The following SUMF1 variants were observed in gnomAD, a reference collection of about 807,000 sequenced individuals.
SUMF1 encodes sulfatase modifying factor 1.
In SUMF1, 48 loss-of-function variants were observed where a neutral mutation model predicts 47.6. The ratio of observed to expected loss-of-function variants is 1.01; its 90% CI spans 0.80 to 1.28. The LOEUF (loss-of-function observed/expected upper bound fraction) is 1.28. SUMF1 is among the 50% of genes most tolerant of loss of function. SUMF1 has a pLI of 0.00. For synonymous variants in SUMF1, 230 were observed against 192.1 expected (o/e 1.20, Z -1.63); for missense variants, 571 against 485.4 (o/e 1.18, Z -1.66).
intron 8 of SUMF1, among the ~76,000 whole-genome samples, chr3:4,244,879 A>G (rs1361972866): frequency 6.6e-6 from 1 of 151,926 alleles, no homozygotes; most frequent in Non-Finnish European, 1.5e-5. Flanking sequence ...CACCAGTCAA[A>G]CATAGATTTG....
intron 8 of SUMF1, among the ~76,000 whole-genome samples, chr3:4,224,678 C>T (rs1189974963): frequency 2.6e-5 from 4 of 151,736 alleles, no homozygotes; most frequent in African/African-American, 9.7e-5. Flanking sequence ...AGTGGTGGAC[C>T]CAAGACCACA....
intron 8 of SUMF1, among the ~76,000 whole-genome samples, chr3:4,079,158 A>G (rs1022105831): frequency 6.6e-6 from 1 of 152,106 alleles, no homozygotes; most frequent in East Asian, 1.9e-4. Context: ...GATCAGCCCA[A>G]GAAGTAACAA....
At chr3:4,256,364 A>G (rs373862109) in intron 8 of SUMF1, among the ~76,000 whole-genome samples, 124 of 104,616 alleles carry the variant, frequency 1.2e-3, no homozygotes, top group Admixed American at 2.5e-3. Context: ...TTGATAGACC[A>G]CTAGCAAGAC....
chr3:4,443,790 A>C (rs961354867), intron 3 of SUMF1, among the ~76,000 whole-genome samples: 2 of 152,138 alleles, frequency 1.3e-5, no homozygotes, highest in Non-Finnish European at 2.9e-5. Flanking sequence ...AAAAAGAGAG[A>C]GAAAAAAATG....
chr3:4,115,127 G>A (rs936067111), intron 8 of SUMF1, among the ~76,000 whole-genome samples: 1 of 151,964 alleles, frequency 6.6e-6, no homozygotes, highest in Non-Finnish European at 1.5e-5. Context: ...GCTGGACCTC[G>A]AGAGGAGCAG....
At chr3:4,370,672 C>T (rs943670905) in intron 8 of SUMF1, among the ~76,000 whole-genome samples, 16 of 152,040 alleles carry the variant, frequency 1.1e-4, no homozygotes, top group Non-Finnish European at 1.3e-4. Context: ...CTGAAGACCC[C>T]GGTATATACA....
chr3:4,184,150 A>G (rs1486461169), intron 8 of SUMF1, among the ~76,000 whole-genome samples: 1 of 150,174 alleles, frequency 6.7e-6, no homozygotes, highest in African/African-American at 2.5e-5. Flanking sequence ...AAAATTAAAA[A>G]AAAAAAAGAA....
At chr3:4,465,862 A>AGG (rs2079930471) in intron 1 of SUMF1, among the ~76,000 whole-genome samples, 1 of 152,222 alleles carries the variant, frequency 6.6e-6, no homozygotes, top group Non-Finnish European at 1.5e-5. Context: ...GAAATATTGA[A>AGG]GGGGAGAGAA....
chr3:4,355,723 G>T (rs1274401187), intron 8 of SUMF1, among the ~76,000 whole-genome samples: 1 of 152,178 alleles, frequency 6.6e-6, no homozygotes, highest in Non-Finnish European at 1.5e-5. Flanking sequence ...AAAACAAGGG[G>T]TTTGTCAAAT....
chr3:4,436,650 G>A (rs1216488384), intron 3 of SUMF1, among the ~76,000 whole-genome samples: 2 of 150,522 alleles, frequency 1.3e-5, no homozygotes, highest in African/African-American at 2.4e-5. Flanking sequence ...AATTATAATG[G>A]ACATTAGAAA....
intron 4 of SUMF1, 68 bp from the exon 5 acceptor site, chr3:4,418,200 C>T (rs1701779581): frequency 6.2e-7 from 1 of 1,605,826 alleles, no homozygotes; most frequent in African/African-American, 1.3e-5. Context: ...CTGGCTTCAG[C>T]AAAGCGCCCA....
At chr3:4,298,822 G>A (rs1393440975) in intron 8 of SUMF1, among the ~76,000 whole-genome samples, 1 of 152,132 alleles carries the variant, frequency 6.6e-6, no homozygotes, top group Non-Finnish European at 1.5e-5. Context: ...GAATATCTGA[G>A]AAATTCCCAT....
At chr3:4,167,497 C>T (rs1453531018) in intron 8 of SUMF1, among the ~76,000 whole-genome samples, 3 of 152,066 alleles carry the variant, frequency 2.0e-5, no homozygotes, top group Non-Finnish European at 4.4e-5. Flanking sequence ...CTGATTGGTA[C>T]ATTTTACAAA....
chr3:4,300,150 A>G (rs1697934006), intron 8 of SUMF1, among the ~76,000 whole-genome samples: 1 of 152,180 alleles, frequency 6.6e-6, no homozygotes, highest in Non-Finnish European at 1.5e-5. Flanking sequence ...TCATCACAAC[A>G]GTGAGTTAAT....
intron 8 of SUMF1, among the ~76,000 whole-genome samples, chr3:4,252,679 T>A (rs534631526): frequency 1.2e-3 from 177 of 152,274 alleles, no homozygotes; most frequent in African/African-American, 4.1e-3. Flanking sequence ...TTCTTCCCAA[T>A]GTGCTACATG....
chr3:4,352,240 C>T (rs1315274093), intron 8 of SUMF1, among the ~76,000 whole-genome samples: 1 of 152,138 alleles, frequency 6.6e-6, no homozygotes, highest in Non-Finnish European at 1.5e-5. Context: ...TCACCTGGGG[C>T]ATCTTGAGTC....
intron 9 of SUMF1, among the ~76,000 whole-genome samples, chr3:4,060,342 C>A (rs1004416630): frequency 6.6e-6 from 1 of 152,194 alleles, no homozygotes; most frequent in Admixed American, 6.5e-5. Context: ...AACTAGGATT[C>A]CTGGTTTGGA....
At chr3:4,145,622 T>C (rs987618029) in intron 8 of SUMF1, among the ~76,000 whole-genome samples, 38 of 152,316 alleles carry the variant, frequency 2.5e-4, no homozygotes, top group African/African-American at 3.8e-4. Flanking sequence ...ATAATAGATA[T>C]GAAGTTTATG....
chr3:4,398,447 A>G (rs574681277), intron 7 of SUMF1, among the ~76,000 whole-genome samples: 12 of 152,304 alleles, frequency 7.9e-5, no homozygotes, highest in African/African-American at 2.4e-4. Flanking sequence ...TAACTTAACT[A>G]TATATTTTCT....
Sources: gnomAD v4.1 joint callset for allele counts (sites outside exome capture counted in the v4.1 genomes callset) on GRCh38, gnomAD v4.1.1 for gene constraint, MANE v1.5 for transcripts, NCBI Gene and HGNC (gene_info 2026-07-23, HGNC 2026-07-21) for gene names.